CENPU: variants seen among roughly 807,000 people sequenced by gnomAD.
The protein encoded by CENPU is centromere protein U, also known as KSHV latent nuclear antigen interacting protein 1.
CENPU carries 46 observed loss-of-function variants against 56.7 expected under a neutral mutation model. The ratio of observed to expected loss-of-function variants is 0.81; its 90% CI spans 0.64 to 1.04. The LOEUF is 1.04. CENPU is among the 50% of genes least tolerant of loss of function. The pLI is 0.00. For synonymous variants in CENPU, 166 were observed against 163.0 expected (o/e 1.02, Z -0.14); for missense variants, 510 against 490.1 (o/e 1.04, Z -0.38).
chr4:184,701,938 G>T, intron 10 of CENPU, 151 bp downstream of exon 10: 1 of 625,100 alleles, frequency 1.6e-6, no homozygotes, highest in Non-Finnish European at 2.8e-6. Context: ...AATACCAACC[G>T]TATCAACCAC....
rs1162100701 is a variant in CENPU at position 184,702,107 on chromosome 4, C to T, written c.906G>A (p.Leu302=). ...MLKESQMLTN[L]KRKNAKMISD... The stretch of plus-strand genomic sequence containing the variant: ...AATTTACCTTAGCATTCTTCCTTTT[C>T]AGATTTGTCAACATCTGGCTTTCTT... Residue 302 remains leucine (L), a synonymous_variant, in exon 10 of 13, where the codon CTG becomes CTA. Coordinates refer to ENST00000281453, the MANE Select transcript of CENPU (RefSeq NM_024629.4). The T allele has an allele frequency of 6.2e-7, 1 of 1,607,024 alleles. No individual in the cohort carries two copies. Among genetic ancestry groups the T allele is most frequent in the Admixed American group, 1.7e-5 (1 of 59,592 alleles).
rs370121029 is a variant in CENPU, at chr4:184,700,845, T to G, written c.961A>C (p.Ile321Leu). 5.3e-5 allele frequency: 86 copies of G among 1,613,880 alleles called. No homozygotes were observed. The highest frequency in any genetic ancestry group is 7.0e-5 in the Non-Finnish European group (83 of 1,179,834). The change falls in exon 11 of 13, where the codon ATT (isoleucine) becomes CTT (leucine). Residue 321 changes from isoleucine (I) to leucine (L), a missense_variant. Transcript: ENST00000281453. ...CGAAGCAGTTCATCCTGGACTTCAATCATACGCTGCCTTTTCTTTTCGATA... is the reference window on the plus strand; with the variant it reads ...CGAAGCAGTTCATCCTGGACTTCAAGCATACGCTGCCTTTTCTTTTCGATA... ...SDIEKKRQRM[I>L]EVQDELLRLE...
intron 4 of CENPU, among the ~76,000 whole-genome samples, chr4:184,724,000 G>C (rs567822297): frequency 3.3e-5 from 5 of 150,756 alleles, no homozygotes; most frequent in African/African-American, 7.3e-5. Context: ...TGCAGTGGCT[G>C]ACGCCTGTAA....
chr4:184,703,479 T>C (rs1760612970), intron 8 of CENPU, among the ~76,000 whole-genome samples: 1 of 151,952 alleles, frequency 6.6e-6, no homozygotes, highest in Non-Finnish European at 1.5e-5. Flanking sequence ...ATGGCTATTA[T>C]TAAAAAAAAA....
chr4:184,728,701 A>C (rs1357498584), intron 3 of CENPU, among the ~76,000 whole-genome samples: 2 of 152,206 alleles, frequency 1.3e-5, no homozygotes, highest in Non-Finnish European at 2.9e-5. Context: ...TTGTTAATGA[A>C]TACTACTAGA....
At chr4:184,700,335 T>C (rs1031721181) in intron 11 of CENPU, among the ~76,000 whole-genome samples, 3 of 152,242 alleles carry the variant, frequency 2.0e-5, no homozygotes, top group African/African-American at 7.2e-5. Context: ...ACTTACTGTG[T>C]GCGCCTGTCC....
chr4:184,726,480 A>G (rs1761455515), intron 3 of CENPU, among the ~76,000 whole-genome samples: 1 of 152,188 alleles, frequency 6.6e-6, no homozygotes, highest in Admixed American at 6.5e-5. Context: ...TTCACACCCA[A>G]ACAAACACCC....
intron 3 of CENPU, among the ~76,000 whole-genome samples, chr4:184,726,417 G>A (rs1292297246): frequency 2.6e-5 from 4 of 152,052 alleles, no homozygotes; most frequent in Non-Finnish European, 4.4e-5. Flanking sequence ...AAAAGGTGCT[G>A]AACACCATTA....
chr4:184,694,488 TC>T lies in CENPU; in HGVS notation c.*799del. ...CATATCCTGAGTAAATATTTTCCTA[TC>T]CCACTCTCTATCCCTTCACCACTGA... is the stretch of plus-strand genomic sequence containing the variant. On this transcript the variant is annotated 3_prime_UTR_variant, in exon 13 of 13. Transcript: ENST00000281453. 6.3e-7 allele frequency: 1 copy of T among 1,595,872 alleles called. No individual in the cohort carries two copies.
At chr4:184,716,920 T>C (rs976086077) in intron 5 of CENPU, among the ~76,000 whole-genome samples, 1 of 152,212 alleles carries the variant, frequency 6.6e-6, no homozygotes, top group African/African-American at 2.4e-5. Flanking sequence ...TGAGACCTCT[T>C]TAATGAAAAA....
chr4:184,728,805 T>G (rs1197620751), intron 3 of CENPU, 113 bp downstream of exon 3: 16 of 746,772 alleles, frequency 2.1e-5, no homozygotes, highest in Non-Finnish European at 3.4e-5. Context: ...GAACATTATA[T>G]TTACATGCAG....
At chr4:184,726,309 G>T (rs1761449103) in intron 3 of CENPU, among the ~76,000 whole-genome samples, 1 of 151,742 alleles carries the variant, frequency 6.6e-6, no homozygotes, top group Non-Finnish European at 1.5e-5. Context: ...GGCAAAGGGT[G>T]AACAGAAACT....
chr4:184,733,267 T>C lies in CENPU; in HGVS notation c.47+749A>G, dbSNP rs912304946. 5.1e-6 allele frequency: 5 copies of C among 975,052 alleles called. No homozygotes were observed. The African/African-American group carries it at 8.8e-5, about 17-fold the overall frequency. The allele number at this position is 975,052 out of a possible 1,614,324, so 60.4% of individuals were successfully genotyped here. A position where few individuals can be genotyped will look rare whatever the true frequency, so the allele number is the denominator to read the frequency against. ...CCCACCTGCGGTGTCCTGCTCCAGC[T>C]TTTCCACCCTAACCCCGCATCTACC... On this transcript the variant is annotated intron_variant, in intron 1 of 12. Coordinates refer to ENST00000281453, the MANE Select transcript of CENPU (RefSeq NM_024629.4).
intron 2 of CENPU, among the ~76,000 whole-genome samples, chr4:184,729,560 A>G (rs1761568895): frequency 1.3e-5 from 2 of 152,218 alleles, no homozygotes; most frequent in South Asian, 4.1e-4. Context: ...TTTTATTTCA[A>G]CCATTAAAAA....
chr4:184,718,714 T>C (rs1761176933), intron 4 of CENPU, among the ~76,000 whole-genome samples: 1 of 151,644 alleles, frequency 6.6e-6, no homozygotes, highest in Non-Finnish European at 1.5e-5. Flanking sequence ...GCCAGAAAAA[T>C]AGGACTGGCC....
chr4:184,714,846 A>G (rs1257098113), intron 6 of CENPU, among the ~76,000 whole-genome samples: 1 of 152,286 alleles, frequency 6.6e-6, no homozygotes, highest in East Asian at 1.9e-4. Context: ...AGTTAAAAAA[A>G]TACCTCCTCT....
rs779471406 is a variant in CENPU at position 184,694,496 on chromosome 4, T to C, written c.*792A>G. The C allele has an allele frequency of 1.2e-5, 20 of 1,604,666 alleles. No homozygotes were observed. Among genetic ancestry groups the C allele is most frequent in the Non-Finnish European group, 1.6e-5 (19 of 1,173,092 alleles). On this transcript the variant is annotated 3_prime_UTR_variant, in exon 13 of 13. Transcript: ENST00000281453. The stretch of plus-strand genomic sequence containing the variant: ...GAGTAAATATTTTCCTATCCCACTC[T>C]CTATCCCTTCACCACTGAAATAAAG...
intron 10 of CENPU, 83 bp from the exon 11 acceptor site, chr4:184,700,964 G>T: frequency 8.8e-7 from 1 of 1,131,760 alleles, no homozygotes; most frequent in Non-Finnish European, 1.3e-6. Flanking sequence ...ATGAAGTGCA[G>T]TGGAAAACAA....
Position 184,694,502 on chromosome 4 carries a change from C to T in CENPU, c.*786G>A. The T allele has an allele frequency of 6.2e-7, 1 of 1,605,736 alleles. No homozygotes were observed. The highest frequency in any genetic ancestry group is 8.5e-7 in the Non-Finnish European group (1 of 1,173,774). On this transcript the variant is annotated 3_prime_UTR_variant, in exon 13 of 13. Coordinates refer to ENST00000281453, the MANE Select transcript of CENPU (RefSeq NM_024629.4). ...ATATTTTCCTATCCCACTCTCTATCCCTTCACCACTGAAATAAAGGAAGAA... is the reference window on the plus strand; with the variant it reads ...ATATTTTCCTATCCCACTCTCTATCTCTTCACCACTGAAATAAAGGAAGAA...
Sources: gnomAD v4.1 joint callset for allele counts (sites outside exome capture counted in the v4.1 genomes callset) on GRCh38, gnomAD v4.1.1 for gene constraint, MANE v1.5 for transcripts, NCBI Gene and HGNC (gene_info 2026-07-23, HGNC 2026-07-21) for gene names.